The following CTDSPL2 variants were observed in gnomAD, a reference collection of about 807,000 sequenced individuals.
CTDSPL2 encodes the protein CTD small phosphatase-like protein 2.
In CTDSPL2, 5 loss-of-function variants were observed where a neutral mutation model predicts 60.0. The observed-to-expected ratio is 0.08, with a 90% CI of 0.04 to 0.18. CTDSPL2 has a LOEUF of 0.18. Among genes scored for constraint, CTDSPL2 ranks in the 10% least tolerant of loss-of-function variants. The pLI, the probability that CTDSPL2 is intolerant of heterozygous loss-of-function variation, is 1.00. For missense variants in CTDSPL2, 370 were observed against 548.8 expected (o/e 0.67, Z 3.26); for synonymous variants, 186 against 189.3 (o/e 0.98, Z 0.14).
At chr15:44,453,835 T>G (rs1051695829) in intron 1 of CTDSPL2, among the ~76,000 whole-genome samples, 1 of 152,134 alleles carries the variant, frequency 6.6e-6, no homozygotes, top group Non-Finnish European at 1.5e-5. Flanking sequence ...TTGATGGACA[T>G]TTGGGTTGGT....
chr15:44,496,908 T>C, intron 6 of CTDSPL2, 119 bp from the exon 7 acceptor site: 2 of 548,816 alleles, frequency 3.6e-6, no homozygotes, highest in Non-Finnish European at 6.6e-6. Context: ...ATTAATATGT[T>C]TTATAAGTTT....
intron 2 of CTDSPL2, among the ~76,000 whole-genome samples, chr15:44,471,025 AT>A (rs1317017437): frequency 6.6e-6 from 1 of 152,196 alleles, no homozygotes; most frequent in Non-Finnish European, 1.5e-5. Flanking sequence ...ACCAAAAAGT[AT>A]CCTTATTTTA....
Position 44,510,026 on chromosome 15 carries a change from G to T in CTDSPL2, c.970-4572G>T, listed in dbSNP as rs2081539029. ...TTTTGAGACGGAGTCTCACTCTGTTGCCCAGACTGGAGTGCAGTAGCGCAT... is the reference window on the plus strand; with the variant it reads ...TTTTGAGACGGAGTCTCACTCTGTTTCCCAGACTGGAGTGCAGTAGCGCAT... On this transcript the variant is annotated intron_variant, in intron 8 of 12. Coordinates refer to ENST00000260327, the MANE Select transcript of CTDSPL2 (RefSeq NM_016396.3). Among the ~76,000 whole-genome samples, 12 of 149,640 alleles carry T rather than the reference G, an allele frequency of 8.0e-5. No homozygotes were observed. In the South Asian group the frequency reaches 2.5e-3, roughly 32 times the overall value.
intron 1 of CTDSPL2, among the ~76,000 whole-genome samples, chr15:44,444,299 C>G (rs1295894491): frequency 1.6e-5 from 2 of 122,294 alleles, no homozygotes; most frequent in East Asian, 4.3e-4. Flanking sequence ...TGAGCTTTTC[C>G]CATACACACA....
chr15:44,521,606 G>A (rs1369067154), intron 12 of CTDSPL2, among the ~76,000 whole-genome samples, 200 bp downstream of exon 12: 2 of 152,132 alleles, frequency 1.3e-5, no homozygotes, highest in Admixed American at 6.5e-5. Flanking sequence ...AGGAATTTGA[G>A]GTCATACTAG....
intron 1 of CTDSPL2, among the ~76,000 whole-genome samples, chr15:44,437,761 CA>C (rs1230168496): frequency 1.3e-5 from 2 of 152,098 alleles, no homozygotes; most frequent in East Asian, 3.8e-4. Context: ...GAGAAAGAAA[CA>C]GATTATTTAA....
At chr15:44,453,646 G>A (rs1365926214) in intron 1 of CTDSPL2, among the ~76,000 whole-genome samples, 1 of 139,818 alleles carries the variant, frequency 7.2e-6, no homozygotes, top group East Asian at 2.2e-4. Flanking sequence ...TCATTGTTCA[G>A]TTCCCACCTA....
At chr15:44,455,140 A>G (rs962828306) in intron 1 of CTDSPL2, among the ~76,000 whole-genome samples, 11 of 152,178 alleles carry the variant, frequency 7.2e-5, no homozygotes, top group African/African-American at 2.4e-4. Flanking sequence ...GGTCCTTCAC[A>G]TCCCTTGTAA....
At position 44,464,983 on chromosome 15, in the gene CTDSPL2, G is replaced by A. The variant is rs113542763; in HGVS notation, c.186+5783G>A. On this transcript the variant is annotated intron_variant, in intron 2 of 12. Transcript: ENST00000260327. ...GGCCTCCCAAAGTGCTGGGATTACA[G>A]GCGTGAGCCACCACACCTGGCCAAG... Among the ~76,000 whole-genome samples, 1,383 of 152,288 alleles carry A rather than the reference G, an allele frequency of 9.1e-3. 22 individuals carry two copies. The highest frequency in any genetic ancestry group is 0.031 in the African/African-American group (1,303 of 41,554).
At chr15:44,440,997 GA>G in intron 1 of CTDSPL2, among the ~76,000 whole-genome samples, 1 of 152,270 alleles carries the variant, frequency 6.6e-6, no homozygotes, top group African/African-American at 2.4e-5. Context: ...GAATTTTCCT[GA>G]TCAGTTCTCA....
chr15:44,492,969 A>C (rs1176303589), intron 5 of CTDSPL2, among the ~76,000 whole-genome samples: 2 of 152,096 alleles, frequency 1.3e-5, no homozygotes, highest in African/African-American at 4.8e-5. Context: ...ATTTTTTCTG[A>C]CAACTGTGAA....
chr15:44,438,239 G>A (rs1371793656), intron 1 of CTDSPL2, among the ~76,000 whole-genome samples: 4 of 151,838 alleles, frequency 2.6e-5, no homozygotes, highest in Non-Finnish European at 5.9e-5. Context: ...GCTCCAGCCT[G>A]GGTGACAGAG....
Position 44,449,128 on chromosome 15 carries a change from T to C in CTDSPL2, c.-24-9863T>C, listed in dbSNP as rs532415309. On this transcript the variant is annotated intron_variant, in intron 1 of 12. Transcript: ENST00000260327. Reference sequence around the variant, plus strand: ...TTTGGGATGTTAGGATTATTTAAGATACTAGGTGGGATAGTAATCATTTCT... The same window carrying C: ...TTTGGGATGTTAGGATTATTTAAGACACTAGGTGGGATAGTAATCATTTCT... The C allele has an allele frequency of 1.6e-5, 5 of 317,350 alleles. No homozygotes were observed. In the East Asian group the frequency reaches 5.2e-4, roughly 33 times the overall value. The allele number at this position is 317,350 out of a possible 1,614,324, so 19.7% of individuals were successfully genotyped here.
intron 1 of CTDSPL2, among the ~76,000 whole-genome samples, chr15:44,442,508 A>G (rs2080111516): frequency 6.6e-6 from 1 of 151,928 alleles, no homozygotes; most frequent in Non-Finnish European, 1.5e-5. Flanking sequence ...GTATTTTAGC[A>G]CTTGGTGTAC....
chr15:44,449,102 A>G (rs1241626879), intron 1 of CTDSPL2: 3 of 310,750 alleles, frequency 9.7e-6, no homozygotes, highest in Non-Finnish European at 1.9e-5. Flanking sequence ...GGATAATTTC[A>G]TTTGGGATGT....
chr15:44,463,950 A>G (rs992093085), intron 2 of CTDSPL2, among the ~76,000 whole-genome samples: 1 of 152,222 alleles, frequency 6.6e-6, no homozygotes, highest in Non-Finnish European at 1.5e-5. Context: ...AATAACAACA[A>G]TAATTATAAT....
Position 44,433,068 on chromosome 15 carries a change from C to T in CTDSPL2, c.-25+5296C>T, listed in dbSNP as rs117032897. Among the ~76,000 whole-genome samples the T allele has an allele frequency of 9.7e-4, 147 of 151,944 alleles. No homozygotes were observed. The East Asian group carries it at 0.027, about 28-fold the overall frequency. ...TGGTGGCTCATGATTGTAATCCCAGCACTTGGGAGGCTGAGGCAGGCGGAT... is the reference window on the plus strand; with the variant it reads ...TGGTGGCTCATGATTGTAATCCCAGTACTTGGGAGGCTGAGGCAGGCGGAT... On this transcript the variant is annotated intron_variant, in intron 1 of 12. Transcript: ENST00000260327.
At chr15:44,444,800 G>GGTACAGA (rs1233497959) in intron 1 of CTDSPL2, among the ~76,000 whole-genome samples, 1 of 147,240 alleles carries the variant, frequency 6.8e-6, no homozygotes, top group African/African-American at 2.5e-5. Flanking sequence ...CTTTAGTAGG[G>GGTACAGA]GTACAGATAG....
chr15:44,494,210 C>T lies in CTDSPL2; in HGVS notation c.692-2170C>T, dbSNP rs144138330. On this transcript the variant is annotated intron_variant, in intron 5 of 12. Transcript: ENST00000260327. ...CCCAGCATAATTTCTAAAGCACTAT[C>T]AAAAGATAAGCTCTTAGCTCAAACT... is the stretch of plus-strand genomic sequence containing the variant. Among the ~76,000 whole-genome samples, 258 of 152,230 alleles carry T rather than the reference C, an allele frequency of 1.7e-3. 1 individual carries two copies. The highest frequency in any genetic ancestry group is 6.0e-3 in the African/African-American group (249 of 41,542).
Sources: gnomAD v4.1 joint callset for allele counts (sites outside exome capture counted in the v4.1 genomes callset) on GRCh38, gnomAD v4.1.1 for gene constraint, MANE v1.5 for transcripts, NCBI Gene and HGNC (gene_info 2026-07-23, HGNC 2026-07-21) for gene names.